Variants in UBR4 observed in about 807,000 individuals in gnomAD.
The protein encoded by UBR4 is E3 ubiquitin-protein ligase UBR4.
UBR4 carries 124 observed loss-of-function variants against 575.6 expected under a neutral mutation model. That is an observed-to-expected ratio of 0.22 (90% confidence interval 0.19 to 0.25). The LOEUF (loss-of-function observed/expected upper bound fraction) is 0.25. Ranked by LOEUF, UBR4 falls within the 10% of genes least tolerant of loss-of-function variation. The pLI, the probability that UBR4 is intolerant of heterozygous loss-of-function variation, is 1.00. For missense variants in UBR4, 4,818 were observed against 6,478.8 expected (o/e 0.74, Z 8.80); for synonymous variants, 2,455 against 2,473.7 (o/e 0.99, Z 0.22).
rs201943199 is a variant in UBR4, at chr1:19,074,837, G to T, written c.15547C>A (p.Pro5183Thr). 1,033 of 1,613,966 alleles carry T rather than the reference G, an allele frequency of 6.4e-4. 1 individual carries two copies. The highest frequency in any genetic ancestry group is 8.4e-4 in the Non-Finnish European group (991 of 1,180,000). Residue 5183 changes from proline (P) to threonine (T), a missense_variant, in exon 106 of 106, where the codon CCC becomes ACC. Physicochemically the swap from Pro to Thr is conservative, Grantham distance 38 (BLOSUM62 -1). Around this residue, in one of 29 missense-constraint regions of UBR4, gnomAD observed 212 missense variants for 221.3 expected, o/e 0.96. Transcript: ENST00000375254. The stretch of plus-strand genomic sequence containing the variant: ...CCGCAGCTGCTGTGTGGTGGTCAGG[G>T]GACTGAGTTCAACAGGTCCTTCAGG... ...SFLKDLLNSV[P>T]
intron 34 of UBR4, 122 bp downstream of exon 34, chr1:19,163,642 G>T: frequency 9.2e-7 from 1 of 1,082,940 alleles, no homozygotes; most frequent in Non-Finnish European, 1.4e-6. Flanking sequence ...GAGATTATCA[G>T]CCTTATCCTT....
At chr1:19,078,116 C>A in intron 103 of UBR4, 50 bp from the exon 104 acceptor site, 1 of 1,585,684 alleles carries the variant, frequency 6.3e-7, no homozygotes, top group African/African-American at 1.3e-5. Flanking sequence ...GGAGGATACT[C>A]ACAAGGACAG....
chr1:19,159,560 C>A (rs1474478717), intron 39 of UBR4, among the ~76,000 whole-genome samples: 2 of 151,048 alleles, frequency 1.3e-5, no homozygotes, highest in Middle Eastern at 3.5e-3. Context: ...GAGATTTATT[C>A]TCTTCATTGG....
In UBR4 at chr1:19,148,583, C is replaced by A; in HGVS notation, c.7474G>T (p.Val2492Phe). 1 of 1,614,206 alleles carries A rather than the reference C, an allele frequency of 6.2e-7. No individual in the cohort carries two copies. The highest frequency in any genetic ancestry group is 1.1e-5 in the South Asian group (1 of 91,086). Reference protein sequence around the residue: ...SLEALESCFAVGPIIEKERNK... With the variant: ...SLEALESCFAFGPIIEKERNK... ...CTTGCCTTCTCGATGATTGGGCCAA[C>A]GGCAAAGCAGCTTTCCAGGGCTTCT... The change falls in exon 50 of 106, where the codon GTT becomes TTT. Residue 2492 changes from valine (V) to phenylalanine (F), a missense_variant. Transcript: ENST00000375254.
rs756023907 is a variant in UBR4 at position 19,105,779 on chromosome 1, C to T, written c.12457G>A (p.Ala4153Thr). ...QAACTIVEAL[A>T]TIPSRKQQVL... The stretch of plus-strand genomic sequence containing the variant: ...TGCTGCTTGCGGCTGGGAATGGTGG[C>T]TAGAGCTTCCACAATGGTACAGGCT... The change falls in exon 84 of 106, where the codon GCC (alanine) becomes ACC (threonine). Residue 4153 changes from alanine to threonine, a missense_variant. Around this residue, in one of 29 missense-constraint regions of UBR4, gnomAD observed 178 missense variants for 175.5 expected, o/e 1.01. Coordinates refer to ENST00000375254, the MANE Select transcript of UBR4 (RefSeq NM_020765.3). 2 of 1,610,620 alleles carry T rather than the reference C, an allele frequency of 1.2e-6. No homozygotes were observed. The highest frequency in any genetic ancestry group is 1.7e-6 in the Non-Finnish European group (2 of 1,179,030).
At chr1:19,120,490 A>ACTAAAAATTG in intron 68 of UBR4, 142 bp from the exon 69 acceptor site, 1 of 1,084,868 alleles carries the variant, frequency 9.2e-7, no homozygotes, top group Non-Finnish European at 1.3e-6. Context: ...CTGCAAAACA[A>ACTAAAAATTG]TTTTTAGTTG....
At chr1:19,203,249 C>T (rs1326641281) in intron 1 of UBR4, among the ~76,000 whole-genome samples, 1 of 151,852 alleles carries the variant, frequency 6.6e-6, no homozygotes, top group Non-Finnish European at 1.5e-5. Context: ...GCCTGTAATC[C>T]CAGCAGTTTG....
chr1:19,075,586 A>C (rs1271254335), intron 105 of UBR4: 1 of 154,406 alleles, frequency 6.5e-6, no homozygotes, highest in African/African-American at 2.4e-5. Flanking sequence ...CAGTGTTAGC[A>C]CAGGCCCGCC....
intron 5 of UBR4, 142 bp from the exon 6 acceptor site, chr1:19,198,191 C>T: frequency 1.2e-6 from 1 of 844,780 alleles, no homozygotes; most frequent in Non-Finnish European, 1.8e-6. Context: ...GGAGAAAATA[C>T]AGGTTACATT....
intron 81 of UBR4, among the ~76,000 whole-genome samples, chr1:19,107,635 A>G (rs188473989): frequency 6.6e-6 from 1 of 152,244 alleles, no homozygotes; most frequent in Non-Finnish European, 1.5e-5. Flanking sequence ...ATACAAAAAA[A>G]TTAGCTGGGC....
rs1201846268 is a variant in UBR4 at position 19,177,711 on chromosome 1, T to C, written c.2387A>G (p.Gln796Arg). 1 of 1,613,726 alleles carries C rather than the reference T, an allele frequency of 6.2e-7. No individual in the cohort carries two copies. ...FLSTMKQNALQGVVPSETEDL... is the reference protein window; with the variant it reads ...FLSTMKQNALRGVVPSETEDL... ...CTCTGTCTCACTGGGCACCACACCT[T>C]GCAGGGCATTCTGCTTCATTGTAGA... The change falls in exon 19 of 106, where the codon CAA becomes CGA. Residue 796 changes from glutamine to arginine, a missense_variant. Gln to Arg is a conservative substitution (Grantham distance 43). Transcript: ENST00000375254.
At chr1:19,075,708 G>A (rs768252692) in intron 105 of UBR4, among the ~76,000 whole-genome samples, 4 of 152,200 alleles carry the variant, frequency 2.6e-5, no homozygotes, top group African/African-American at 7.2e-5. Flanking sequence ...TGGGAAAATC[G>A]GTCAGCTGGC....
rs764064506 is a variant in UBR4 at position 19,100,550 on chromosome 1, G to C, written c.13047C>G (p.Phe4349Leu). The change falls in exon 89 of 106, where the codon TTC (phenylalanine) becomes TTG (leucine). Residue 4349 changes from phenylalanine to leucine, a missense_variant. Physicochemically the swap from Phe to Leu is conservative, Grantham distance 22. Transcript: ENST00000375254. The surrounding 1 kb of genome is among the most constrained non-coding windows in gnomAD (Gnocchi z 4.2). The part of the protein sequence containing the change: ...IYPEENEVTE[F>L]FVTLEKDPQQ... ...GGGGATCCTTCTCCAGGGTCACAAA[G>C]AACTCAGTGACTTCATTCTCCTCCT... The C allele has an allele frequency of 1.2e-6, 2 of 1,614,038 alleles. No individual in the cohort carries two copies. Among genetic ancestry groups the C allele is most frequent in the Admixed American group, 1.7e-5 (1 of 60,018 alleles).
chr1:19,141,150 CTA>C (rs1361319054), intron 57 of UBR4, among the ~76,000 whole-genome samples, 195 bp downstream of exon 57: 1 of 152,262 alleles, frequency 6.6e-6, no homozygotes, highest in Non-Finnish European at 1.5e-5. Flanking sequence ...CTGGCAGAAA[CTA>C]TGAGATTGGC....
chr1:19,113,564 T>A, intron 77 of UBR4, 135 bp downstream of exon 77: 1 of 1,383,508 alleles, frequency 7.2e-7, no homozygotes, highest in South Asian at 1.4e-5. Flanking sequence ...GCCATCTGCC[T>A]GCCTTTTCAG....
chr1:19,104,879 T>C, intron 85 of UBR4, 169 bp downstream of exon 85: 6 of 1,209,626 alleles, frequency 5.0e-6, no homozygotes, highest in Non-Finnish European at 6.9e-6. Context: ...CCCAAGAGTT[T>C]GCTACAGCTA....
chr1:19,074,935 C>T, intron 105 of UBR4, 39 bp from the exon 106 acceptor site: 1 of 1,607,042 alleles, frequency 6.2e-7, no homozygotes, highest in Middle Eastern at 1.7e-4. Context: ...CAGGAGCAGG[C>T]ATACAGCCCC....
chr1:19,176,445 A>G (rs2090275364), intron 20 of UBR4, 147 bp downstream of exon 20: 1 of 918,888 alleles, frequency 1.1e-6, no homozygotes, highest in African/African-American at 1.7e-5. Flanking sequence ...CATTTCTGAA[A>G]TGTTTTAATC....
chr1:19,122,157 T>C (rs1048375063), intron 66 of UBR4, 145 bp from the exon 67 acceptor site: 2 of 797,748 alleles, frequency 2.5e-6, no homozygotes, highest in African/African-American at 1.7e-5. Flanking sequence ...TGCTGAGATG[T>C]CTGGTCAACC....
Sources: gnomAD v4.1 joint callset for allele counts (sites outside exome capture counted in the v4.1 genomes callset) on GRCh38, gnomAD v4.1.1 for gene constraint, gnomAD v4.1.1 regional missense constraint, Gnocchi (gnomAD v3.1) non-coding constraint, MANE v1.5 for transcripts, NCBI Gene and HGNC (gene_info 2026-07-23, HGNC 2026-07-21) for gene names.